Variants in PDE1C observed in about 807,000 individuals in gnomAD.
The protein encoded by PDE1C is phosphodiesterase 1C.
Under a neutral mutation model 93.1 loss-of-function variants are expected in PDE1C, and 62 were observed. The ratio of observed to expected loss-of-function variants is 0.67; its 90% CI spans 0.54 to 0.82. The LOEUF (loss-of-function observed/expected upper bound fraction) is 0.82. Ranked by LOEUF, PDE1C falls within the 40% of genes least tolerant of loss-of-function variation. PDE1C has a pLI of 0.00. For missense variants in PDE1C, 742 were observed against 884.6 expected (o/e 0.84, Z 2.04); for synonymous variants, 325 against 310.1 (o/e 1.05, Z -0.50).
chr7:32,317,720 C>T lies in PDE1C; in HGVS notation c.311-108181G>A, dbSNP rs187340012. ...AGCTCCACAGCCAACCTGCTGGGGACGAATGCTGGCACTGTTCTTATTGGT... is the reference window on the plus strand; with the variant it reads ...AGCTCCACAGCCAACCTGCTGGGGATGAATGCTGGCACTGTTCTTATTGGT... On this transcript the variant is annotated intron_variant, in intron 1 of 1. Transcript: ENST00000672256. Among the ~76,000 whole-genome samples the T allele has an allele frequency of 2.3e-4, 35 of 152,218 alleles. No homozygotes were observed. The East Asian group carries it at 5.4e-3, about 24-fold the overall frequency.
chr7:31,691,941 G>A, the PDE1C span, among the ~76,000 whole-genome samples: 1,241 of 152,118 alleles, frequency 8.2e-3, 22 homozygotes, highest in East Asian at 0.068. Context: ...ATATAGCCTT[G>A]GCTATTTAAT....
chr7:31,624,409 G>T, the PDE1C span, among the ~76,000 whole-genome samples: 3 of 139,570 alleles, frequency 2.1e-5, no homozygotes, highest in Admixed American at 7.5e-5. Flanking sequence ...GCATGGTACT[G>T]GTACCAAAAC....
chr7:31,946,716 C>A (rs541228363), intron 2 of PDE1C, among the ~76,000 whole-genome samples: 1 of 152,362 alleles, frequency 6.6e-6, no homozygotes, highest in African/African-American at 2.4e-5. Context: ...ACAACCTCCA[C>A]ACTAGTGTTG....
At chr7:31,943,488 T>C (rs1388563739) in intron 2 of PDE1C, among the ~76,000 whole-genome samples, 2 of 152,190 alleles carry the variant, frequency 1.3e-5, no homozygotes, top group African/African-American at 4.8e-5. Flanking sequence ...AGCAGATTTA[T>C]TTTGTATTGC....
intron 1 of PDE1C, among the ~76,000 whole-genome samples, chr7:32,279,784 C>G (rs1811509516): frequency 6.6e-6 from 1 of 151,740 alleles, no homozygotes; most frequent in South Asian, 2.1e-4. Flanking sequence ...AAACTATAAA[C>G]TCGGGTCAAA....
intron 2 of PDE1C, among the ~76,000 whole-genome samples, chr7:32,012,086 A>C (rs1425131183): frequency 6.6e-6 from 1 of 152,246 alleles, no homozygotes; most frequent in African/African-American, 2.4e-5. Flanking sequence ...AAAAGAGCAC[A>C]CTATATGAAT....
chr7:32,326,355 G>T (rs142066405), intron 1 of PDE1C, among the ~76,000 whole-genome samples: 64 of 152,260 alleles, frequency 4.2e-4, no homozygotes, highest in African/African-American at 1.5e-3. Context: ...GATACTGAAT[G>T]AGATAACCAA....
the PDE1C span, among the ~76,000 whole-genome samples, chr7:31,698,694 T>C: frequency 6.6e-6 from 1 of 152,226 alleles, no homozygotes; most frequent in African/African-American, 2.4e-5. Context: ...TCAATAACCA[T>C]ATAGATTAAT....
intron 17 of PDE1C, among the ~76,000 whole-genome samples, chr7:31,772,040 C>G (rs1305158471): frequency 8.2e-6 from 1 of 121,958 alleles, no homozygotes; most frequent in Non-Finnish European, 1.7e-5. Context: ...AGCGGGACTC[C>G]GTCTCAAAAA....
At chr7:32,348,749 C>T (rs2128082199) in intron 1 of PDE1C, among the ~76,000 whole-genome samples, 1 of 152,218 alleles carries the variant, frequency 6.6e-6, no homozygotes, top group African/African-American at 2.4e-5. Context: ...CCCCAGATGG[C>T]CATCAAAAGA....
chr7:32,143,703 T>C (rs747714687), intron 3 of PDE1C, among the ~76,000 whole-genome samples: 1 of 152,192 alleles, frequency 6.6e-6, no homozygotes, highest in Non-Finnish European at 1.5e-5. Flanking sequence ...ATGTACTTTT[T>C]CTCTTTTATT....
At chr7:31,649,401 C>G in the PDE1C span, among the ~76,000 whole-genome samples, 5 of 149,588 alleles carry the variant, frequency 3.3e-5, no homozygotes, top group Non-Finnish European at 4.5e-5. Flanking sequence ...AAACAGCCAG[C>G]CTGCAAGATC....
chr7:32,256,158 G>A (rs1270806477), intron 1 of PDE1C, among the ~76,000 whole-genome samples: 2 of 152,150 alleles, frequency 1.3e-5, no homozygotes, highest in East Asian at 1.9e-4. Context: ...CTTCACCTAA[G>A]GCAAGCTTCA....
rs745924928 is a variant in PDE1C at position 31,753,525 on chromosome 7, T to C, written c.1989A>G (p.Lys663=). ...PVIKPPLRHF[K]RPAYASSSYA... Reference sequence around the variant, plus strand: ...AGGAGCTAGATGCGTAAGCAGGGCGTTTAAAATGACGCAAAGGAGGCTTGA... The same window carrying C: ...AGGAGCTAGATGCGTAAGCAGGGCGCTTAAAATGACGCAAAGGAGGCTTGA... The change falls in exon 18 of 18, where the codon AAA becomes AAG. Residue 663 remains lysine (K), a synonymous_variant. Coordinates refer to ENST00000396191, the MANE Select transcript of PDE1C (RefSeq NM_001191057.4). 52 of 1,611,088 alleles carry C rather than the reference T, an allele frequency of 3.2e-5. No individual in the cohort carries two copies. The highest frequency in any genetic ancestry group is 4.3e-5 in the Non-Finnish European group (51 of 1,179,204).
At chr7:32,399,581 C>CTTTTTTT (rs34748013) in intron 1 of PDE1C, among the ~76,000 whole-genome samples, 43 of 117,522 alleles carry the variant, frequency 3.7e-4, no homozygotes, top group African/African-American at 1.3e-3. Flanking sequence ...CTTCATTTAA[C>CTTTTTTT]TTTTTTTTTT....
At chr7:32,361,529 A>G (rs215703) in intron 1 of PDE1C, among the ~76,000 whole-genome samples, 147,479 of 152,320 alleles carry the variant, frequency 0.97, 71,417 homozygotes, top group East Asian at 1. Context: ...CGCCCTGCGC[A>G]CACTGCCCCT....
rs1269828188 is a variant in PDE1C at position 32,341,560 on chromosome 7, C to T, written c.310+86262G>A. Among the ~76,000 whole-genome samples, 3 of 152,084 alleles carry T rather than the reference C, an allele frequency of 2.0e-5. No homozygotes were observed. The East Asian group carries it at 5.8e-4, about 29-fold the overall frequency. On this transcript the variant is annotated intron_variant, in intron 1 of 1. Transcript: ENST00000672256. ...GGAGAGAAAGAGCCCAAACAACAGG[C>T]TATTGTTGCTACTCACAGAGACAGC...
chr7:31,715,905 T>C, the PDE1C span, among the ~76,000 whole-genome samples: 1 of 152,184 alleles, frequency 6.6e-6, no homozygotes, highest in Non-Finnish European at 1.5e-5. Context: ...AAGGACCCTG[T>C]GCCTACTTGT....
the PDE1C span, among the ~76,000 whole-genome samples, chr7:31,625,233 G>C: frequency 1.3e-5 from 2 of 151,572 alleles, no homozygotes; most frequent in African/African-American, 2.4e-5. Context: ...CAGGGATCTA[G>C]AATTACAAAT....
Sources: allele counts gnomAD v4.1 joint callset (sites outside exome capture counted in the v4.1 genomes callset), GRCh38; gene constraint gnomAD v4.1.1; transcripts MANE v1.5; gene names NCBI Gene and HGNC (gene_info 2026-07-23, HGNC 2026-07-21).